NLRC5: variants seen among roughly 807,000 people sequenced by gnomAD.
NLRC5 encodes the protein NLR family CARD domain containing 5.
NLRC5 carries 114 observed loss-of-function variants against 206.9 expected under a neutral mutation model. The ratio of observed to expected loss-of-function variants is 0.55; its 90% CI spans 0.47 to 0.64. The LOEUF (loss-of-function observed/expected upper bound fraction) is 0.64. Ranked by LOEUF, NLRC5 falls within the 30% of genes least tolerant of loss-of-function variation. The pLI is 0.00. For synonymous variants in NLRC5, 952 were observed against 962.8 expected, an observed-to-expected ratio of 0.99 and a Z score of 0.21; for missense variants, 2,008 against 2,305.5, an observed-to-expected ratio of 0.87 and a Z score of 2.64.
intron 33 of NLRC5, among the ~76,000 whole-genome samples, chr16:57,066,077 G>C (rs1265863880): frequency 6.6e-6 from 1 of 152,108 alleles, no homozygotes; most frequent in African/African-American, 2.4e-5. Flanking sequence ...TTCTGGAACT[G>C]CCCTTGGATC....
At position 57,026,979 on chromosome 16, in the gene NLRC5, C is replaced by T. The variant is rs2061322504; in HGVS notation, c.2036C>T (p.Pro679Leu). Reference protein sequence around the residue: ...FDGCPLEPHCPEALVGCGQIE... With the variant: ...FDGCPLEPHCLEALVGCGQIE... ...GGCTGTCCCCTGGAGCCCCACTGCCCTGAGGCTCTGGTAGGCTGTGGGCAG... is the reference window on the plus strand; with the variant it reads ...GGCTGTCCCCTGGAGCCCCACTGCCTTGAGGCTCTGGTAGGCTGTGGGCAG... Residue 679 changes from proline (P) to leucine (L), a missense_variant, in exon 6 of 49, where the codon CCT becomes CTT. By Grantham distance (98) the Pro-to-Leu change is moderately conservative. Transcript: ENST00000688547. 1 of 1,614,146 alleles carries T rather than the reference C, an allele frequency of 6.2e-7. No individual in the cohort carries two copies. The highest frequency in any genetic ancestry group is 8.5e-7 in the Non-Finnish European group (1 of 1,180,012).
chr16:57,034,406 A>G, intron 13 of NLRC5, 155 bp downstream of exon 13: 2 of 631,546 alleles, frequency 3.2e-6, no homozygotes, highest in Non-Finnish European at 2.8e-6. Context: ...GCTACTATTC[A>G]GCACTTGTCC....
chr16:57,024,817 C>T (rs1344613225), intron 5 of NLRC5, among the ~76,000 whole-genome samples: 1 of 152,168 alleles, frequency 6.6e-6, no homozygotes, highest in African/African-American at 2.4e-5. Flanking sequence ...CAATACTAGC[C>T]TGGCCAACGT....
chr16:57,065,326 A>G, intron 33 of NLRC5, 28 bp downstream of exon 33: 1 of 1,477,874 alleles, frequency 6.8e-7, no homozygotes. Flanking sequence ...GCCCCTTTGG[A>G]ATTCTTCATC....
At chr16:57,006,888 C>T (rs201647645) in intron 1 of NLRC5, among the ~76,000 whole-genome samples, 1 of 144,058 alleles carries the variant, frequency 6.9e-6, no homozygotes, top group African/African-American at 2.5e-5. Context: ...ACCGTTAACA[C>T]ATTATTATTA....
intron 2 of NLRC5, among the ~76,000 whole-genome samples, chr16:57,018,018 A>G (rs2060264548): frequency 6.6e-6 from 1 of 152,228 alleles, no homozygotes; most frequent in African/African-American, 2.4e-5. Context: ...TTTGTGTCAT[A>G]TCCTAAGGGG....
chr16:57,053,271 G>T (rs894976485), intron 24 of NLRC5, among the ~76,000 whole-genome samples: 7 of 152,166 alleles, frequency 4.6e-5, no homozygotes, highest in African/African-American at 1.7e-4. Context: ...GAGAGAGCTC[G>T]CCTTGTGAAG....
chr16:57,045,519 G>C, intron 21 of NLRC5, 27 bp downstream of exon 21: 1 of 1,609,420 alleles, frequency 6.2e-7, no homozygotes, highest in Non-Finnish European at 8.5e-7. Flanking sequence ...CGGGGTGGGG[G>C]AGTCCCCTCC....
At chr16:57,025,077 C>G (rs1025847525) in intron 5 of NLRC5, among the ~76,000 whole-genome samples, 8 of 152,196 alleles carry the variant, frequency 5.3e-5, no homozygotes, top group Non-Finnish European at 1.2e-4. Flanking sequence ...CTTACTGAAC[C>G]CTTACACCAC....
In NLRC5 at chr16:57,036,203, G is replaced by A. The variant is rs775216439; in HGVS notation, c.2711+20G>A. The stretch of plus-strand genomic sequence containing the variant: ...GCTGGAGTGAGTTGTCCACCCCACC[G>A]CTGGGTACCAGGGAAGGCCCTGTAG... On this transcript the variant is annotated intron_variant, in intron 14 of 48. Transcript: ENST00000688547. 71 of 1,609,266 alleles carry A rather than the reference G, an allele frequency of 4.4e-5. No homozygotes were observed. The highest frequency in any genetic ancestry group is 1.9e-4 in the Middle Eastern group (1 of 5,400).
At chr16:57,066,513 T>G in intron 33 of NLRC5, 21 bp from the exon 34 acceptor site, 2 of 1,613,038 alleles carry the variant, frequency 1.2e-6, no homozygotes, top group Non-Finnish European at 1.7e-6. Flanking sequence ...GACCTCACGT[T>G]GGTTACTGCT....
intron 13 of NLRC5, chr16:57,035,032 G>A (rs1410603339): frequency 6.6e-6 from 1 of 152,242 alleles, no homozygotes; most frequent in Non-Finnish European, 1.5e-5. Flanking sequence ...GACAGAATTA[G>A]AAGGTGGTTT....
intron 39 of NLRC5, 151 bp downstream of exon 39, chr16:57,074,834 C>T (rs1025085633): frequency 2.7e-6 from 2 of 732,934 alleles, no homozygotes; most frequent in East Asian, 2.6e-5. Context: ...AGGTGGGTGC[C>T]CACTGCTCTT....
intron 36 of NLRC5, 57 bp downstream of exon 36, chr16:57,067,885 C>T: frequency 7.5e-7 from 1 of 1,336,370 alleles, no homozygotes; most frequent in Non-Finnish European, 1.1e-6. Context: ...GCCCTGACAC[C>T]TCCCGTTATT....
rs1004822234 is a variant in NLRC5, at chr16:57,078,289, A to G, written c.5081+269A>G. Among the ~76,000 whole-genome samples the G allele has an allele frequency of 3.3e-5, 5 of 152,258 alleles. No individual in the cohort carries two copies. In the South Asian group the frequency reaches 8.3e-4, roughly 25 times the overall value. On this transcript the variant is annotated intron_variant, in intron 43 of 48. Transcript: ENST00000688547. ...CAGCCTCAGTTTCTTCACATGCAAA[A>G]GAAGTACAATGATCCCAGTTCATTG...
Position 57,045,502 on chromosome 16 carries a change from G to A in NLRC5, c.3248+10G>A. The A allele has an allele frequency of 5.0e-6, 8 of 1,613,648 alleles. No individual in the cohort carries two copies. The highest frequency in any genetic ancestry group is 6.8e-6 in the Non-Finnish European group (8 of 1,179,866). ...GGGACAAGACAAGCAGGTGAGGAGG[G>A]AACGCTCGGGGTGGGGGAGTCCCCT... On this transcript the variant is annotated intron_variant, in intron 21 of 48. Coordinates refer to ENST00000688547, the MANE Select transcript of NLRC5 (RefSeq NM_001384950.1).
Position 57,026,228 on chromosome 16 carries a change from G to C in NLRC5, c.1285G>C (p.Val429Leu), listed in dbSNP as rs770877382. Residue 429 changes from valine to leucine, a missense_variant, in exon 6 of 49, where the codon GTG (valine) becomes CTG (leucine). Physicochemically the swap from Val to Leu is conservative, Grantham distance 32. Coordinates refer to ENST00000688547, the MANE Select transcript of NLRC5 (RefSeq NM_001384950.1). ...TCCTGACCACGCCCCAGGCCAGTCT[G>C]TGGCCCTCCTGCCCAACATGACTCA... The part of the protein sequence containing the change: ...LLPDHAPGQS[V>L]ALLPNMTQLY... The C allele has an allele frequency of 1.9e-6, 3 of 1,613,804 alleles. No homozygotes were observed. The South Asian group carries it at 3.3e-5, about 18-fold the overall frequency.
chr16:57,039,679 T>G (rs2063039721), intron 15 of NLRC5, 102 bp from the exon 16 acceptor site: 1 of 1,051,990 alleles, frequency 9.5e-7, no homozygotes, highest in Non-Finnish European at 1.5e-6. Flanking sequence ...ATTGCACCAC[T>G]GCACACCAGC....
intron 23 of NLRC5, 139 bp from the exon 24 acceptor site, chr16:57,051,399 C>A (rs547930061): frequency 2.9e-6 from 2 of 700,826 alleles, no homozygotes; most frequent in South Asian, 3.3e-5. Context: ...TCACGGATAA[C>A]CCATGGACCC....
Sources: allele counts gnomAD v4.1 joint callset (sites outside exome capture counted in the v4.1 genomes callset), GRCh38; gene constraint gnomAD v4.1.1; transcripts MANE v1.5; gene names NCBI Gene and HGNC (gene_info 2026-07-23, HGNC 2026-07-21).